Variants in FABP12 observed in about 807,000 individuals in gnomAD.
The protein encoded by FABP12 is fatty acid binding protein 12.
A neutral mutation model predicts 13.7 loss-of-function variants in FABP12; 19 were observed. The observed-to-expected ratio is 1.39, with a 90% CI of 0.97 to 2.04. The LOEUF (loss-of-function observed/expected upper bound fraction) is 2.04, where lower values mean the gene tolerates loss of function less well. Ranked by LOEUF, FABP12 falls within the 30% of genes most tolerant of loss-of-function variation. The probability of loss-of-function intolerance (pLI) is 0.00; values close to 1 mark genes in which losing one functional copy is unlikely to be tolerated. For synonymous variants in FABP12, 61 were observed against 57.0 expected (o/e 1.07, Z -0.32); for missense variants, 182 against 164.2 (o/e 1.11, Z -0.59).
intron 1 of FABP12, among the ~76,000 whole-genome samples, chr8:81,566,024 G>T (rs1593716): frequency 0.64 from 96,908 of 151,744 alleles, 31,443 homozygotes; most frequent in Admixed American, 0.72. Flanking sequence ...ATCATTATTG[G>T]CTACTATAAG....
intron 1 of FABP12, chr8:81,532,994 G>C (rs182610866): frequency 4.6e-5 from 7 of 152,332 alleles, no homozygotes; most frequent in Admixed American, 4.6e-4. Context: ...CAATTCCCAG[G>C]ATTTTTCAAG....
chr8:81,550,512 A>G (rs933060917), intron 1 of FABP12, among the ~76,000 whole-genome samples: 1 of 152,078 alleles, frequency 6.6e-6, no homozygotes, highest in East Asian at 1.9e-4. Context: ...CACTTCCCCA[A>G]CCTCTCCTCT....
At chr8:81,576,476 G>A (rs1810048249) in intron 1 of FABP12, among the ~76,000 whole-genome samples, 1 of 151,760 alleles carries the variant, frequency 6.6e-6, no homozygotes, top group Non-Finnish European at 1.5e-5. Flanking sequence ...TTCCAGAGGT[G>A]TTCTATGTTA....
chr8:81,582,124 T>TTC (rs1179001043), intron 1 of FABP12, among the ~76,000 whole-genome samples: 2,180 of 133,266 alleles, frequency 0.016, 54 homozygotes, highest in African/African-American at 0.061. Flanking sequence ...TGGAATTTTT[T>TTC]TTTTTTTTTT....
At chr8:81,556,657 T>C (rs1809621611) in intron 1 of FABP12, among the ~76,000 whole-genome samples, 1 of 149,990 alleles carries the variant, frequency 6.7e-6, no homozygotes, top group Non-Finnish European at 1.5e-5. Flanking sequence ...ATTTTAACTT[T>C]TCTCTTTTAA....
chr8:81,532,521 TGGTAA>T (rs1809098041), intron 1 of FABP12, among the ~76,000 whole-genome samples: 1 of 152,226 alleles, frequency 6.6e-6, no homozygotes, highest in South Asian at 2.1e-4. Context: ...CAGATATGGT[TGGTAA>T]AGATACTATA....
intron 1 of FABP12, among the ~76,000 whole-genome samples, chr8:81,540,386 G>A (rs1236981530): frequency 6.6e-6 from 1 of 152,210 alleles, no homozygotes; most frequent in Admixed American, 6.5e-5. Context: ...ACAGGATCAA[G>A]TTTAATATCC....
intron 1 of FABP12, among the ~76,000 whole-genome samples, chr8:81,571,775 A>G (rs1809936251): frequency 6.6e-6 from 1 of 152,186 alleles, no homozygotes; most frequent in Non-Finnish European, 1.5e-5. Flanking sequence ...CACTGAAACG[A>G]CTAACAACCA....
chr8:81,560,522 A>G (rs1809705478), intron 1 of FABP12, among the ~76,000 whole-genome samples: 1 of 152,210 alleles, frequency 6.6e-6, no homozygotes, highest in Non-Finnish European at 1.5e-5. Context: ...AATACTGGAC[A>G]GGCCATCCCC....
chr8:81,552,333 G>A (rs1247417556), intron 1 of FABP12, among the ~76,000 whole-genome samples: 2 of 152,178 alleles, frequency 1.3e-5, no homozygotes, highest in African/African-American at 4.8e-5. Context: ...AGCAGGTAGT[G>A]CCAAAGCAGG....
At chr8:81,585,465 G>A (rs1810227164) in intron 1 of FABP12, among the ~76,000 whole-genome samples, 1 of 152,078 alleles carries the variant, frequency 6.6e-6, no homozygotes, top group Non-Finnish European at 1.5e-5. Context: ...CCAGTCTCCT[G>A]CTTATTTGGT....
At chr8:81,580,676 C>A (rs1465801281) in intron 1 of FABP12, among the ~76,000 whole-genome samples, 1 of 152,138 alleles carries the variant, frequency 6.6e-6, no homozygotes, top group African/African-American at 2.4e-5. Context: ...ACAATCTAGT[C>A]TCTTGGAGTT....
intron 1 of FABP12, among the ~76,000 whole-genome samples, chr8:81,571,559 C>G (rs947246606): frequency 1.3e-5 from 2 of 152,240 alleles, no homozygotes; most frequent in East Asian, 3.8e-4. Flanking sequence ...AATACCGTAA[C>G]TTATTTTATG....
intron 1 of FABP12, among the ~76,000 whole-genome samples, chr8:81,589,407 A>T (rs188212787): frequency 9.0e-4 from 137 of 151,882 alleles, no homozygotes; most frequent in African/African-American, 3.1e-3. Flanking sequence ...AAATAAAACA[A>T]ATTACCCTTC....
At chr8:81,541,971 G>C (rs1004446933) in intron 1 of FABP12, among the ~76,000 whole-genome samples, 1 of 142,822 alleles carries the variant, frequency 7.0e-6, no homozygotes, top group Non-Finnish European at 1.5e-5. Flanking sequence ...CAGGATCTGA[G>C]CCTAGAGGTA....
At chr8:81,530,048 T>C (rs1255026148) in intron 2 of FABP12, among the ~76,000 whole-genome samples, 1 of 152,232 alleles carries the variant, frequency 6.6e-6, no homozygotes, top group Admixed American at 6.5e-5. Flanking sequence ...TATTCTTACA[T>C]GTATATATAT....
intron 1 of FABP12, among the ~76,000 whole-genome samples, chr8:81,547,574 C>T (rs1809454560): frequency 6.6e-6 from 1 of 152,096 alleles, no homozygotes; most frequent in Admixed American, 6.5e-5. Context: ...TAATATTTAC[C>T]GTCTTATCTC....
chr8:81,576,000 T>A (rs576292632), intron 1 of FABP12, among the ~76,000 whole-genome samples: 1 of 152,204 alleles, frequency 6.6e-6, no homozygotes, highest in African/African-American at 2.4e-5. Flanking sequence ...TCTATATAGC[T>A]AATCAGAAGC....
At chr8:81,543,787 A>G (rs1488519312) in intron 1 of FABP12, among the ~76,000 whole-genome samples, 3 of 150,952 alleles carry the variant, frequency 2.0e-5, no homozygotes, top group Non-Finnish European at 2.9e-5. Flanking sequence ...GTCTTAAAAA[A>G]TATGTTCAAC....
Sources: gnomAD v4.1 joint callset for allele counts (sites outside exome capture counted in the v4.1 genomes callset) on GRCh38, gnomAD v4.1.1 for gene constraint, MANE v1.5 for transcripts, NCBI Gene and HGNC (gene_info 2026-07-23, HGNC 2026-07-21) for gene names.